UNKL: variants seen among roughly 807,000 people sequenced by gnomAD.
The protein encoded by UNKL is putative E3 ubiquitin-protein ligase UNKL.
UNKL carries 60 observed loss-of-function variants against 78.0 expected under a neutral mutation model. The observed-to-expected ratio is 0.77, with a 90% CI of 0.63 to 0.95. The LOEUF (loss-of-function observed/expected upper bound fraction) is 0.95. UNKL is among the 40% of genes least tolerant of loss of function. The pLI is 0.00. For synonymous variants in UNKL, 608 were observed against 474.8 expected (o/e 1.28, Z -3.65); for missense variants, 1,159 against 1,045.7 (o/e 1.11, Z -1.49).
intron 6 of UNKL, among the ~76,000 whole-genome samples, chr16:1,396,584 A>G (rs937285566): frequency 9.3e-5 from 14 of 150,762 alleles, no homozygotes; most frequent in African/African-American, 2.0e-4. Flanking sequence ...CTGAATATAT[A>G]TATTTTTTTC....
intron 4 of UNKL, 36 bp downstream of exon 4, chr16:1,401,532 C>A (rs373842487): frequency 9.4e-6 from 14 of 1,488,098 alleles, no homozygotes; most frequent in Non-Finnish European, 1.3e-5. Context: ...TGCCCGCCCC[C>A]CCCACCACCG....
chr16:1,387,788 G>A lies in UNKL; in HGVS notation c.1087-2403C>T, dbSNP rs540823754. On this transcript the variant is annotated intron_variant, in intron 9 of 14. Coordinates refer to ENST00000389221, the MANE Select transcript of UNKL (RefSeq NM_001372107.1). The surrounding 1 kb of genome is among the most constrained non-coding windows in gnomAD (Gnocchi z 4.1). ...ACCGCCGCACGGCTGCCCGGCCTGC[G>A]GAAGCCCTCCCCCACCCCCGCCTCA... Among the ~76,000 whole-genome samples, 15 of 152,068 alleles carry A rather than the reference G, an allele frequency of 9.9e-5. No homozygotes were observed. The highest frequency in any genetic ancestry group is 5.9e-4 in the East Asian group (3 of 5,118).
intron 12 of UNKL, among the ~76,000 whole-genome samples, chr16:1,368,505 G>A (rs2141934273): frequency 6.6e-6 from 1 of 151,318 alleles, no homozygotes; most frequent in Middle Eastern, 3.4e-3. Context: ...GGGAGGCTGA[G>A]GCAGGAGAAT....
At position 1,403,698 on chromosome 16, in the gene UNKL, T is replaced by C. The variant is rs1241641477; in HGVS notation, c.288-354A>G. 1.3e-5 allele frequency among the ~76,000 whole-genome samples: 2 copies of C among 152,210 alleles called. No individual in the cohort carries two copies. Among genetic ancestry groups the C allele is most frequent in the South Asian group, 2.1e-4 (1 of 4,830 alleles). On this transcript the variant is annotated intron_variant, in intron 2 of 14. Transcript: ENST00000389221. This position sits in a 1 kb window ranked among gnomAD's most constrained non-coding sequence, Gnocchi z 4.8. ...ATAAACCTTTAAACCTGTGTGGGAA[T>C]GAGAGTTCATGCCCTGCACGCAGGC...
chr16:1,383,602 C>G (rs896712838), intron 10 of UNKL: 1 of 379,558 alleles, frequency 2.6e-6, no homozygotes, highest in South Asian at 1.8e-5. Context: ...TCTCTCTCCT[C>G]GGCCTCCTTG....
At chr16:1,412,826 G>T (rs961356607) in intron 2 of UNKL, among the ~76,000 whole-genome samples, 1 of 152,164 alleles carries the variant, frequency 6.6e-6, no homozygotes, top group African/African-American at 2.4e-5. Flanking sequence ...GGGAGGCCAA[G>T]GAGGGAGGAT....
chr16:1,387,527 G>A lies in UNKL; in HGVS notation c.1087-2142C>T, dbSNP rs1303148345. ...GGAGCTCCTTGTACCCCGATGGCTT[G>A]GATCGGGGAGGGAGCCGACCTTCTC... On this transcript the variant is annotated intron_variant, in intron 9 of 14. Transcript: ENST00000389221. This position sits in a 1 kb window ranked among gnomAD's most constrained non-coding sequence, Gnocchi z 4.1. Among the ~76,000 whole-genome samples the A allele has an allele frequency of 6.6e-6, 1 of 152,172 alleles. No individual in the cohort carries two copies. The highest frequency in any genetic ancestry group is 1.5e-5 in the Non-Finnish European group (1 of 68,010).
rs2035714125 is a variant in UNKL at position 1,370,480 on chromosome 16, G to A, written c.1358-123C>T. The A allele has an allele frequency of 3.1e-5, 37 of 1,179,132 alleles. No individual in the cohort carries two copies. The South Asian group carries it at 4.0e-4, about 13-fold the overall frequency. 73.0% of individuals were successfully genotyped at this position (1,179,132 alleles called of 1,614,324 possible). The stretch of plus-strand genomic sequence containing the variant: ...GTGGTGGTGGGGATATGGGGGGTGG[G>A]AATATAGGGGCCAGGCCAGCCACCA... On this transcript the variant is annotated intron_variant, in intron 11 of 14. Coordinates refer to ENST00000389221, the MANE Select transcript of UNKL (RefSeq NM_001372107.1).
Position 1,387,146 on chromosome 16 carries a change from G to A in UNKL, c.1087-1761C>T, listed in dbSNP as rs113960846. Among the ~76,000 whole-genome samples, 695 of 151,640 alleles carry A rather than the reference G, an allele frequency of 4.6e-3. 5 individuals are homozygous for A. Among genetic ancestry groups the A allele is most frequent in the African/African-American group, 0.016 (647 of 41,310 alleles). ...GGGACCCTCCCAGCCATGCAGCACC[G>A]GGGACCCTCCCAGCCATGCAGCACC... On this transcript the variant is annotated intron_variant, in intron 9 of 14. Transcript: ENST00000389221. The surrounding 1 kb of genome is among the most constrained non-coding windows in gnomAD (Gnocchi z 4.1).
At chr16:1,401,233 C>A in intron 4 of UNKL, 1 of 221,332 alleles carries the variant, frequency 4.5e-6, no homozygotes, top group Non-Finnish European at 8.8e-6. Flanking sequence ...CTGGTGGGTG[C>A]CTGGTGGGCG....
chr16:1,407,217 A>C (rs1291699771), intron 2 of UNKL: 1 of 152,072 alleles, frequency 6.6e-6, no homozygotes, highest in African/African-American at 2.4e-5. Flanking sequence ...GCAACAGTTA[A>C]TCTTAGAAAT....
rs9922029 is a variant in UNKL, at chr16:1,399,838, T to C, written c.599-329A>G. Among the ~76,000 whole-genome samples the C allele has an allele frequency of 0.99, 151,223 of 152,272 alleles. 75,092 individuals are homozygous for C. Among genetic ancestry groups the C allele is most frequent in the Middle Eastern group, 1 (294 of 294 alleles). ...CGGCTTCCTTGCTGGGGGATGAAAA[T>C]GTTCTCCAACTAGAGAGAGGTGATG... On this transcript the variant is annotated intron_variant, in intron 4 of 14. Coordinates refer to ENST00000389221, the MANE Select transcript of UNKL (RefSeq NM_001372107.1). This position sits in a 1 kb window ranked among gnomAD's most constrained non-coding sequence, Gnocchi z 5.8.
Position 1,387,028 on chromosome 16 carries a change from G to A in UNKL, c.1087-1643C>T, listed in dbSNP as rs1044349873. 5.3e-5 allele frequency among the ~76,000 whole-genome samples: 8 copies of A among 152,112 alleles called. No homozygotes were observed. Among genetic ancestry groups the A allele is most frequent in the Middle Eastern group, 3.4e-3 (1 of 294 alleles). On this transcript the variant is annotated intron_variant, in intron 9 of 14. Coordinates refer to ENST00000389221, the MANE Select transcript of UNKL (RefSeq NM_001372107.1). This position sits in a 1 kb window ranked among gnomAD's most constrained non-coding sequence, Gnocchi z 4.1. ...GAAAAAACGGACCACAGTCCACCCCGTGAGCATCAGGGACGGCGGTAACTC... is the reference window on the plus strand; with the variant it reads ...GAAAAAACGGACCACAGTCCACCCCATGAGCATCAGGGACGGCGGTAACTC...
chr16:1,364,040 T>G lies in UNKL; in HGVS notation c.*2200A>C, dbSNP rs1350551176. The G allele has an allele frequency of 6.6e-6, 1 of 152,108 alleles. No homozygotes were observed. The highest frequency in any genetic ancestry group is 1.5e-5 in the Non-Finnish European group (1 of 68,030). The allele number at this position is 152,108 out of a possible 1,614,324, so 9.4% of individuals were successfully genotyped here. ...GAGATGTCTCGGCAGACACCACTTA[T>G]CCCAGAAAAGACCAGAGGCTCCAAA... On this transcript the variant is annotated 3_prime_UTR_variant, in exon 15 of 15. Transcript: ENST00000389221.
At chr16:1,401,159 G>A (rs888713082) in intron 4 of UNKL, among the ~76,000 whole-genome samples, 5 of 148,352 alleles carry the variant, frequency 3.4e-5, no homozygotes, top group African/African-American at 1.2e-4. Context: ...GAGAGGCGCA[G>A]GGCTGGGGGC....
chr16:1,372,721 G>C (rs959585535), intron 10 of UNKL, among the ~76,000 whole-genome samples: 2 of 152,190 alleles, frequency 1.3e-5, no homozygotes, highest in Non-Finnish European at 2.9e-5. Context: ...CCAGAGGACC[G>C]CAGCGGCTGC....
chr16:1,370,216 G>A lies in UNKL; in HGVS notation c.1499C>T (p.Ser500Leu). ...SQPLPGPVGS[S>L]AMTPPQQPPP... ...CGGCTGCTGGGGAGGCGTCATGGCT[G>A]AGGAGCCCACCGGCCCTGGGAGGGG... Residue 500 changes from serine (S) to leucine (L), a missense_variant, in exon 12 of 15, where the codon TCA (serine) becomes TTA (leucine). Coordinates refer to ENST00000389221, the MANE Select transcript of UNKL (RefSeq NM_001372107.1). 1 of 1,530,500 alleles carries A rather than the reference G, an allele frequency of 6.5e-7. No individual in the cohort carries two copies. The highest frequency in any genetic ancestry group is 8.8e-7 in the Non-Finnish European group (1 of 1,137,688). 94.8% of individuals were successfully genotyped at this position (1,530,500 alleles called of 1,614,324 possible).
chr16:1,395,571 C>G (rs2037224329), intron 6 of UNKL: 1 of 410,500 alleles, frequency 2.4e-6, no homozygotes, highest in African/African-American at 2.0e-5. Flanking sequence ...CTAGTGGAGG[C>G]ACAGGCCTGG....
chr16:1,366,387 G>T lies in UNKL; in HGVS notation c.2055C>A (p.Phe685Leu), dbSNP rs1318056361. The T allele has an allele frequency of 6.3e-7, 1 of 1,592,254 alleles. No individual in the cohort carries two copies. ...LDLEAVDGVI[F>L]QLRAKQCVAC... is the part of the protein sequence containing the mutation. The stretch of plus-strand genomic sequence containing the variant: ...CCACACACTGCTTGGCGCGGAGCTG[G>T]AAGATCACCTGCAGGGCCAGAACAA... The change falls in exon 15 of 15, where the codon TTC becomes TTA. Residue 685 changes from phenylalanine (F) to leucine (L), a missense_variant. Transcript: ENST00000389221.
Sources: gnomAD v4.1 joint callset for allele counts (sites outside exome capture counted in the v4.1 genomes callset) on GRCh38, gnomAD v4.1.1 for gene constraint, Gnocchi (gnomAD v3.1) non-coding constraint, MANE v1.5 for transcripts, NCBI Gene and HGNC (gene_info 2026-07-23, HGNC 2026-07-21) for gene names.